Variants in SYNE1 observed in about 807,000 individuals in gnomAD.
SYNE1 encodes nesprin-1.
SYNE1 carries 616 observed loss-of-function variants against 1,111.0 expected under a neutral mutation model. The ratio of observed to expected loss-of-function variants is 0.55; its 90% CI spans 0.52 to 0.59. SYNE1 has a LOEUF of 0.59. Ranked by LOEUF, SYNE1 falls within the 20% of genes least tolerant of loss-of-function variation. SYNE1 has a pLI of 0.00. For missense variants in SYNE1, 10,006 were observed against 10,417.0 expected, an observed-to-expected ratio of 0.96 and a Z score of 1.72; for synonymous variants, 3,855 against 3,825.8, an observed-to-expected ratio of 1.01 and a Z score of -0.28.
intron 10 of SYNE1, among the ~76,000 whole-genome samples, chr6:152,499,761 C>G (rs759043227): frequency 3.6e-4 from 55 of 152,084 alleles, no homozygotes; most frequent in Non-Finnish European, 6.8e-4. Flanking sequence ...GGCGAAGCTT[C>G]CAATACATTT....
chr6:152,263,608 A>T (rs149135018), intron 100 of SYNE1, among the ~76,000 whole-genome samples: 1 of 151,490 alleles, frequency 6.6e-6, no homozygotes, highest in Non-Finnish European at 1.5e-5. Flanking sequence ...TATGTTTCCC[A>T]GGCTGGTCTG....
chr6:152,615,285 G>A (rs150101298), intron 3 of SYNE1, among the ~76,000 whole-genome samples: 75 of 152,196 alleles, frequency 4.9e-4, no homozygotes, highest in African/African-American at 1.7e-3. Context: ...TATAGGTAAT[G>A]TTAACTTGTC....
intron 46 of SYNE1, among the ~76,000 whole-genome samples, chr6:152,402,886 C>T (rs2154154058): frequency 6.6e-6 from 1 of 152,262 alleles, no homozygotes; most frequent in Middle Eastern, 3.4e-3. Flanking sequence ...TTGATATCCC[C>T]AACACAGGCG....
chr6:152,141,265 T>C lies in SYNE1; in HGVS notation c.25184A>G (p.Lys8395Arg). 1 of 1,614,040 alleles carries C rather than the reference T, an allele frequency of 6.2e-7. No individual in the cohort carries two copies. Among genetic ancestry groups the C allele is most frequent in the South Asian group, 1.1e-5 (1 of 91,060 alleles). Residue 8395 changes from lysine to arginine, a missense_variant, in exon 139 of 146, where the codon AAG becomes AGG. Around this residue, in one of 7 missense-constraint regions of SYNE1, gnomAD observed 761 missense variants for 795.5 expected, o/e 0.96. Coordinates refer to ENST00000367255, the MANE Select transcript of SYNE1 (RefSeq NM_182961.4). The part of the protein sequence containing the change: ...DSVKRLEHKL[K>R]EEEESLPGFV... ...GCCAGGAAGGCTCTCCTCTTCCTCC[T>C]TCAGTTTGTGCTCCAGTCTCTTCAC...
chr6:152,141,463 A>T, intron 138 of SYNE1, 134 bp from the exon 139 acceptor site: 1 of 1,215,814 alleles, frequency 8.2e-7, no homozygotes, highest in Admixed American at 1.8e-5. Flanking sequence ...CCTGCTAAAA[A>T]TAAGCCAAGA....
chr6:152,511,245 C>A, intron 6 of SYNE1, 142 bp from the exon 7 acceptor site: 1 of 754,252 alleles, frequency 1.3e-6, no homozygotes. Context: ...TAGAGTGAGG[C>A]ACCGAAACAA....
At chr6:152,195,341 T>C (rs143224922) in intron 127 of SYNE1, among the ~76,000 whole-genome samples, 244 of 152,390 alleles carry the variant, frequency 1.6e-3, no homozygotes, top group Admixed American at 2.5e-3. Context: ...CTGAATGGTC[T>C]TGATGCTTGC....
intron 95 of SYNE1, among the ~76,000 whole-genome samples, chr6:152,290,065 T>G (rs900485555): frequency 2.0e-5 from 3 of 152,114 alleles, no homozygotes; most frequent in Admixed American, 6.5e-5. Flanking sequence ...CTATTTTAGT[T>G]GTTACATATA....
chr6:152,180,411 C>T (rs369360395), intron 128 of SYNE1, 117 bp from the exon 129 acceptor site: 13 of 990,454 alleles, frequency 1.3e-5, no homozygotes, highest in African/African-American at 3.2e-5. Context: ...ATCTTTTTAG[C>T]CCACTGTTTC....
At chr6:152,139,771 T>C (rs886704079) in intron 140 of SYNE1, among the ~76,000 whole-genome samples, 179 bp downstream of exon 140, 1 of 104,992 alleles carries the variant, frequency 9.5e-6, no homozygotes, top group African/African-American at 3.9e-5. Flanking sequence ...AAGAAAACCA[T>C]CTTTGTGGAA....
intron 127 of SYNE1, among the ~76,000 whole-genome samples, chr6:152,199,029 T>A (rs2074828849): frequency 6.6e-6 from 1 of 150,586 alleles, no homozygotes; most frequent in Admixed American, 6.6e-5. Context: ...AAACATAGGA[T>A]CTGTGAAACA....
intron 8 of SYNE1, among the ~76,000 whole-genome samples, chr6:152,508,693 A>C (rs2099070363): frequency 6.6e-6 from 1 of 152,236 alleles, no homozygotes; most frequent in African/African-American, 2.4e-5. Context: ...AAGAGAGATT[A>C]GTAATGCCAC....
At chr6:152,426,499 G>A (rs2098357791) in intron 38 of SYNE1, among the ~76,000 whole-genome samples, 1 of 152,254 alleles carries the variant, frequency 6.6e-6, no homozygotes, top group Non-Finnish European at 1.5e-5. Context: ...CAGGATGCAG[G>A]AGTAACAGAG....
intron 11 of SYNE1, among the ~76,000 whole-genome samples, chr6:152,495,452 G>A (rs1433089333): frequency 6.6e-6 from 1 of 152,168 alleles, no homozygotes; most frequent in Non-Finnish European, 1.5e-5. Flanking sequence ...TTAGATATGA[G>A]TTCTAAATTT....
At chr6:152,231,153 A>G (rs967547896) in intron 114 of SYNE1, among the ~76,000 whole-genome samples, 2 of 152,254 alleles carry the variant, frequency 1.3e-5, no homozygotes, top group African/African-American at 4.8e-5. Flanking sequence ...GGCAAAATAA[A>G]TCAAGAGGCA....
chr6:152,331,269 A>G lies in SYNE1; in HGVS notation c.13416T>C (p.His4472=), dbSNP rs776373449. 4 of 1,614,082 alleles carry G rather than the reference A, an allele frequency of 2.5e-6. No individual in the cohort carries two copies. The highest frequency in any genetic ancestry group is 2.5e-6 in the Non-Finnish European group (3 of 1,180,028). Residue 4472 remains histidine (H), a synonymous_variant, in exon 78 of 146, where the codon CAT becomes CAC. Transcript: ENST00000367255. ...GTTCACGGAACATTATCTTTCGCTC[A>G]TGTTGCTGAATTTGGCTGGTGGCCT... The part of the protein sequence containing the change: ...VFQATSQIQQ[H]ERKIMFREHI...
At position 152,124,098 on chromosome 6, in the gene SYNE1, C is replaced by T. The variant is rs530131313; in HGVS notation, c.26154-1422G>A. On this transcript the variant is annotated intron_variant, in intron 145 of 145. Coordinates refer to ENST00000367255, the MANE Select transcript of SYNE1 (RefSeq NM_182961.4). ...CAGCGCTTTGGGAGGCTGAGGTTGG[C>T]GGATCACTTGAGGCCAGGAGTTCAA... 3.8e-3 allele frequency among the ~76,000 whole-genome samples: 580 copies of T among 152,190 alleles called. 2 individuals are homozygous for T. The highest frequency in any genetic ancestry group is 0.013 in the African/African-American group (541 of 41,528).
intron 3 of SYNE1, among the ~76,000 whole-genome samples, chr6:152,563,031 A>T (rs1204257636): frequency 1.3e-5 from 2 of 150,550 alleles, no homozygotes; most frequent in Non-Finnish European, 3.0e-5. Context: ...TTTCAACTCA[A>T]ATTATAATAG....
At chr6:152,480,852 C>T in intron 14 of SYNE1, 1 of 454,560 alleles carries the variant, frequency 2.2e-6, no homozygotes, top group African/African-American at 2.0e-5. Flanking sequence ...CAACTCCTGC[C>T]CCTCTCTCTC....
Sources: gnomAD v4.1 joint callset for allele counts (sites outside exome capture counted in the v4.1 genomes callset) on GRCh38, gnomAD v4.1.1 for gene constraint, gnomAD v4.1.1 regional missense constraint, MANE v1.5 for transcripts, NCBI Gene and HGNC (gene_info 2026-07-23, HGNC 2026-07-21) for gene names.